Variants in ABHD17B observed in about 807,000 individuals in gnomAD.
ABHD17B encodes the protein abhydrolase domain containing 17B, depalmitoylase.
ABHD17B carries 9 observed loss-of-function variants against 26.2 expected under a neutral mutation model. The observed-to-expected ratio is 0.34, with a 90% CI of 0.21 to 0.60. The LOEUF is 0.60. ABHD17B is among the 20% of genes least tolerant of loss of function. The pLI is 0.80. For missense variants in ABHD17B, 224 were observed against 352.1 expected (o/e 0.64, Z 2.91); for synonymous variants, 127 against 122.3 (o/e 1.04, Z -0.25).
rs774841647 is a variant in ABHD17B at position 71,870,304 on chromosome 9, G to C, written c.468-42C>G. On this transcript the variant is annotated intron_variant, in intron 2 of 3. Transcript: ENST00000333421. Reference sequence around the variant, plus strand: ...TTAAAAACAAAAACCAAAAAAGTTGGAGTGATATGAAATGTTCCATCATTC... The same window carrying C: ...TTAAAAACAAAAACCAAAAAAGTTGCAGTGATATGAAATGTTCCATCATTC... The C allele has an allele frequency of 3.0e-5, 46 of 1,515,736 alleles. 2 individuals are homozygous for C. The South Asian group carries it at 6.0e-4, about 20-fold the overall frequency. 93.9% of individuals were successfully genotyped at this position (1,515,736 alleles called of 1,614,324 possible).
Position 71,865,443 on chromosome 9 carries a change from G to C in ABHD17B, c.*1344C>G, listed in dbSNP as rs147407574. On this transcript the variant is annotated 3_prime_UTR_variant, in exon 4 of 4. Transcript: ENST00000333421. Reference sequence around the variant, plus strand: ...GGCAACTTAGTTTTTGTATGTGTGAGCTTTATTTTTTTACTATATTGGTTA... The same window carrying C: ...GGCAACTTAGTTTTTGTATGTGTGACCTTTATTTTTTTACTATATTGGTTA... The C allele has an allele frequency of 3.7e-3, 3,653 of 984,162 alleles. 6 individuals carry two copies. The highest frequency in any genetic ancestry group is 4.4e-3 in the Admixed American group (71 of 16,268). 61.0% of individuals were successfully genotyped at this position (984,162 alleles called of 1,614,324 possible). A position where few individuals can be genotyped will look rare whatever the true frequency, so the allele number is the denominator to read the frequency against.
At chr9:71,887,727 G>C (rs917107097) in intron 1 of ABHD17B, among the ~76,000 whole-genome samples, 72 of 152,166 alleles carry the variant, frequency 4.7e-4, no homozygotes, top group African/African-American at 1.6e-3. Context: ...AAATGCTAAA[G>C]AGCACCTTCC....
At chr9:71,903,374 CT>C (rs1447133526) in intron 1 of ABHD17B, among the ~76,000 whole-genome samples, 1 of 151,976 alleles carries the variant, frequency 6.6e-6, no homozygotes, top group East Asian at 1.9e-4. Flanking sequence ...CGTATTTTTG[CT>C]TTTATACTTT....
chr9:71,867,094 A>C, intron 3 of ABHD17B, 88 bp from the exon 4 acceptor site: 1 of 1,434,726 alleles, frequency 7.0e-7, no homozygotes, highest in Middle Eastern at 2.0e-4. Context: ...GATAATTCAA[A>C]TATGAGAATT....
rs181237939 is a variant in ABHD17B, at chr9:71,867,964, T to A, written c.648-958A>T. 1.1e-4 allele frequency among the ~76,000 whole-genome samples: 17 copies of A among 149,626 alleles called. 1 individual carries two copies. Among genetic ancestry groups the A allele is most frequent in the Admixed American group, 2.7e-4 (4 of 14,782 alleles). ...GCTCATGCCTGTAATCTCGGCACTT[T>A]GGGAGGCCGTAGTGGGTGGATCACC... On this transcript the variant is annotated intron_variant, in intron 3 of 3. Transcript: ENST00000333421.
chr9:71,896,410 A>C (rs1405564952), intron 1 of ABHD17B, among the ~76,000 whole-genome samples: 1 of 152,154 alleles, frequency 6.6e-6, no homozygotes, highest in Non-Finnish European at 1.5e-5. Flanking sequence ...GAATATCCCT[A>C]GTTCTGTCAC....
At chr9:71,905,199 T>G (rs950063828) in intron 1 of ABHD17B, among the ~76,000 whole-genome samples, 8 of 151,866 alleles carry the variant, frequency 5.3e-5, no homozygotes, top group African/African-American at 1.9e-4. Context: ...CTCGGCTCAC[T>G]GCAACCTCTG....
chr9:71,900,479 G>A (rs1031977994), intron 1 of ABHD17B, among the ~76,000 whole-genome samples: 3 of 151,602 alleles, frequency 2.0e-5, no homozygotes, highest in Admixed American at 1.3e-4. Context: ...GTGAAACCCC[G>A]TCTCTACTAA....
At chr9:71,885,218 G>T (rs1348002689) in intron 1 of ABHD17B, among the ~76,000 whole-genome samples, 1 of 152,060 alleles carries the variant, frequency 6.6e-6, no homozygotes, top group African/African-American at 2.4e-5. Flanking sequence ...GCCAAGGCAG[G>T]AGGATCACTT....
intron 1 of ABHD17B, among the ~76,000 whole-genome samples, chr9:71,879,914 ACT>A (rs1263835720): frequency 6.6e-6 from 1 of 152,216 alleles, no homozygotes; most frequent in Non-Finnish European, 1.5e-5. Context: ...TGACAGAATG[ACT>A]CTGTAACCCA....
At chr9:71,909,513 C>T (rs764290890) in intron 1 of ABHD17B, among the ~76,000 whole-genome samples, 2 of 152,174 alleles carry the variant, frequency 1.3e-5, no homozygotes, top group Non-Finnish European at 2.9e-5. Context: ...GAAAAAAGTT[C>T]ATTTTAATGT....
intron 1 of ABHD17B, 61 bp downstream of exon 1, chr9:71,910,573 G>C (rs1827434031): frequency 6.7e-6 from 1 of 149,074 alleles, no homozygotes; most frequent in African/African-American, 2.4e-5. Context: ...TGCGGCTCCC[G>C]GCCTAGCGCC....
intron 1 of ABHD17B, among the ~76,000 whole-genome samples, chr9:71,895,016 GCCACTGC>G (rs1826913315): frequency 6.6e-6 from 1 of 152,092 alleles, no homozygotes; most frequent in African/African-American, 2.4e-5. Context: ...TCACTCAAAA[GCCACTGC>G]TGGCTGAGCT....
intron 2 of ABHD17B, among the ~76,000 whole-genome samples, chr9:71,873,589 G>A (rs1353808059): frequency 1.3e-5 from 2 of 152,064 alleles, no homozygotes; most frequent in Middle Eastern, 3.2e-3. Flanking sequence ...GTAGAGACGG[G>A]GTTTCACCAT....
rs745722851 is a variant in ABHD17B, at chr9:71,866,987, T to C, written c.667A>G (p.Ile223Val). The C allele has an allele frequency of 4.3e-6, 7 of 1,614,038 alleles. No homozygotes were observed. The highest frequency in any genetic ancestry group is 5.9e-6 in the Non-Finnish European group (7 of 1,180,010). The change falls in exon 4 of 4, where the codon ATA becomes GTA. Residue 223 changes from isoleucine to valine, a missense_variant. Transcript: ENST00000333421. Reference protein sequence around the residue: ...AFPNIDKISKITSPVLIIHGT... With the variant: ...AFPNIDKISKVTSPVLIIHGT... ...TGAATTATTAATACTGGAGAGGTTA[T>C]CTTAGAGATTTTGTCAATGCTGCAG... is the stretch of plus-strand genomic sequence containing the variant.
At chr9:71,873,258 T>A (rs1826163973) in intron 2 of ABHD17B, among the ~76,000 whole-genome samples, 1 of 152,006 alleles carries the variant, frequency 6.6e-6, no homozygotes, top group South Asian at 2.1e-4. Context: ...AAATTGTGAT[T>A]TTTTTTTCAA....
At chr9:71,878,290 T>C (rs1022278837) in intron 1 of ABHD17B, among the ~76,000 whole-genome samples, 3 of 152,148 alleles carry the variant, frequency 2.0e-5, no homozygotes, top group Non-Finnish European at 4.4e-5. Flanking sequence ...GTTGAGTAAT[T>C]TGCAAATATG....
chr9:71,891,744 C>G (rs572851269), intron 1 of ABHD17B, among the ~76,000 whole-genome samples: 1 of 152,192 alleles, frequency 6.6e-6, no homozygotes, highest in Non-Finnish European at 1.5e-5. Context: ...CACACACATA[C>G]GCACTCTCTC....
intron 1 of ABHD17B, among the ~76,000 whole-genome samples, chr9:71,878,934 T>C (rs542909347): frequency 2.0e-5 from 3 of 152,230 alleles, no homozygotes; most frequent in East Asian, 1.9e-4. Flanking sequence ...GGTAGGAGGA[T>C]TGCTTGAGCC....
Sources: gnomAD v4.1 joint callset for allele counts (sites outside exome capture counted in the v4.1 genomes callset) on GRCh38, gnomAD v4.1.1 for gene constraint, MANE v1.5 for transcripts, NCBI Gene and HGNC (gene_info 2026-07-23, HGNC 2026-07-21) for gene names.